The following BEST1 variants were observed in gnomAD, a reference collection of about 807,000 sequenced individuals.
The protein encoded by BEST1 is bestrophin 1.
Under a neutral mutation model 63.3 loss-of-function variants are expected in BEST1, and 58 were observed. That is an observed-to-expected ratio of 0.92 (90% CI 0.74 to 1.14). The LOEUF (loss-of-function observed/expected upper bound fraction) is 1.14, where lower values mean the gene tolerates loss of function less well. Ranked by LOEUF, BEST1 falls within the 50% of genes most tolerant of loss-of-function variation. The pLI is 0.00. For missense variants in BEST1, 671 were observed against 740.1 expected (o/e 0.91, Z 1.08); for synonymous variants, 283 against 291.6 (o/e 0.97, Z 0.30).
chr11:61,955,591 G>A, intron 3 of BEST1, 127 bp from the exon 4 acceptor site: 1 of 1,171,356 alleles, frequency 8.5e-7, no homozygotes, highest in East Asian at 2.6e-5. Flanking sequence ...GCGCCTTCCA[G>A]GAGGGCTGGG....
intron 2 of BEST1, 194 bp from the exon 3 acceptor site, chr11:61,954,913 T>G (rs1359316252): frequency 2.0e-6 from 2 of 985,228 alleles, no homozygotes; most frequent in East Asian, 1.1e-4. Flanking sequence ...GGGGGCCTCC[T>G]CCTGTCCGGG....
chr11:61,955,153 CTG>C lies in BEST1; in HGVS notation c.201_202del (p.Tyr68LeufsTer163), dbSNP rs771655122. ...EQQLMFEKLTLYCDSYIQLIP... is the reference protein window; with the variant it reads ...EQQLMFEKLTXYCDSYIQLIP... ...ACAGCTGATGTTTGAGAAACTGACT[CTG>C]TATTGCGACAGCTACATCCAGCTCA... On this transcript the variant is annotated frameshift_variant, in exon 3 of 11. Coordinates refer to ENST00000378043, the MANE Select transcript of BEST1 (RefSeq NM_004183.4). LOFTEE classifies it high-confidence loss of function. 3.1e-6 allele frequency: 5 copies of C among 1,614,184 alleles called. No individual in the cohort carries two copies. The highest frequency in any genetic ancestry group is 4.5e-5 in the East Asian group (2 of 44,876).
intron 2 of BEST1, 182 bp from the exon 3 acceptor site, chr11:61,954,925 T>G: frequency 1.0e-6 from 1 of 985,320 alleles, no homozygotes. Flanking sequence ...CTGTCCGGGT[T>G]TGGGGCTGTA....
At chr11:61,954,729 C>T (rs951789347) in intron 2 of BEST1, 4 of 897,154 alleles carry the variant, frequency 4.5e-6, no homozygotes, top group South Asian at 5.1e-5. Context: ...GGATTACAGG[C>T]GTGAACCACC....
chr11:61,963,010 C>T, intron 10 of BEST1, 117 bp downstream of exon 10: 1 of 1,592,076 alleles, frequency 6.3e-7, no homozygotes, highest in Non-Finnish European at 8.6e-7. Flanking sequence ...TGCCAGAGCA[C>T]ACTGGACCTA....
intron 2 of BEST1, 108 bp from the exon 3 acceptor site, chr11:61,954,999 T>G: frequency 6.5e-7 from 1 of 1,545,988 alleles, no homozygotes. Flanking sequence ...AAATGTGGGA[T>G]AGCATCGAGG....
At position 61,962,659 on chromosome 11, in the gene BEST1, T is replaced by TA. The variant is rs1181865490; in HGVS notation, c.1508dup (p.Thr504AspfsTer11). 6.2e-7 allele frequency: 1 copy of TA among 1,614,158 alleles called. No individual in the cohort carries two copies. Among genetic ancestry groups the TA allele is most frequent in the Non-Finnish European group, 8.5e-7 (1 of 1,180,034 alleles). On this transcript the variant is annotated frameshift_variant, in exon 10 of 11. Transcript: ENST00000378043. LOFTEE classifies it high-confidence loss of function. ...GGCATAGACACCAAAGACAAAAGCTTAAAGACTGTGAGTTCTGGGGCCAAG... is the reference window on the plus strand; with the variant it reads ...GGCATAGACACCAAAGACAAAAGCTTAAAAGACTGTGAGTTCTGGGGCCAAG...
downstream of BEST1, chr11:61,965,291 A>T: frequency 6.2e-7 from 1 of 1,601,218 alleles, no homozygotes; most frequent in African/African-American, 1.3e-5. Flanking sequence ...TATAAGGGCA[A>T]TTGCTAGTTT....
At chr11:61,952,033 G>A (rs146271374) in intron 2 of BEST1, 75 bp downstream of exon 2, 47 of 1,541,844 alleles carry the variant, frequency 3.0e-5, no homozygotes, top group Non-Finnish European at 4.1e-5. Context: ...GGGCCTCCCA[G>A]CCAGCTCAGG....
At chr11:61,965,422 G>A (rs886048432), downstream of BEST1, 4 of 1,613,528 alleles carry the variant, frequency 2.5e-6, no homozygotes, top group Non-Finnish European at 3.4e-6. Context: ...AGCTTCATCA[G>A]TTTCTCAGCA....
chr11:61,963,083 G>A lies in BEST1; in HGVS notation c.1739+190G>A, dbSNP rs371205126. 258 of 1,474,736 alleles carry A rather than the reference G, an allele frequency of 1.7e-4. 1 individual carries two copies. In the East Asian group the frequency reaches 2.5e-3, roughly 15 times the overall value. 91.4% of individuals were successfully genotyped at this position (1,474,736 alleles called of 1,614,324 possible). A position where few individuals can be genotyped will look rare whatever the true frequency, so the allele number is the denominator to read the frequency against. ...TCACAGGGATCCTAGGGAAGTGTTC[G>A]GGACCTTTTCTCACTTCACCCTGGT... On this transcript the variant is annotated intron_variant, in intron 10 of 10. Coordinates refer to ENST00000378043, the MANE Select transcript of BEST1 (RefSeq NM_004183.4).
At position 61,956,399 on chromosome 11, in the gene BEST1, C is replaced by G. The variant is rs537599747; in HGVS notation, c.482-445C>G. 3.3e-5 allele frequency among the ~76,000 whole-genome samples: 5 copies of G among 152,274 alleles called. No individual in the cohort carries two copies. In the South Asian group the frequency reaches 1.0e-3, roughly 32 times the overall value. The stretch of plus-strand genomic sequence containing the variant: ...AGGCGTGGTGGCTGTCGCCTGTAAT[C>G]CCAGTGCTTTAGGAGGCAAAGGTGG... On this transcript the variant is annotated intron_variant, in intron 4 of 10. Transcript: ENST00000378043.
chr11:61,958,383 C>T (rs1470329974), intron 7 of BEST1, 85 bp downstream of exon 7: 2 of 1,605,132 alleles, frequency 1.2e-6, no homozygotes, highest in Admixed American at 1.7e-5. Context: ...GATGCAGTGT[C>T]AGGAAAGGAA....
rs1290876075 is a variant in BEST1, at chr11:61,951,916, T to C, written c.110T>C (p.Leu37Ser). ...SIYKLLYGEF[L>S]IFLLCYYIIR... ...TACAAGCTGCTATATGGCGAGTTCT[T>C]AATCTTCCTGCTCTGCTACTACATC... The change falls in exon 2 of 11, where the codon TTA (leucine) becomes TCA (serine). Residue 37 changes from leucine to serine, a missense_variant. Leu to Ser is a moderately radical substitution (Grantham distance 145). Coordinates refer to ENST00000378043, the MANE Select transcript of BEST1 (RefSeq NM_004183.4). 6.2e-7 allele frequency: 1 copy of C among 1,613,728 alleles called. No individual in the cohort carries two copies. The highest frequency in any genetic ancestry group is 1.3e-5 in the African/African-American group (1 of 75,030).
Position 61,953,886 on chromosome 11 carries a change from A to AAAACAAACAAACAAAC in BEST1, c.153-1205_153-1190dup, listed in dbSNP as rs112657532. ...GGGTAACAGAGCAAGACCCTATCTC[A>AAAACAAACAAACAAAC]AAACAAACAAACAAACAAACAAACA... On this transcript the variant is annotated intron_variant, in intron 2 of 10. Transcript: ENST00000378043. Among the ~76,000 whole-genome samples the AAAACAAACAAACAAAC allele has an allele frequency of 3.1e-3, 461 of 150,730 alleles. 3 individuals are homozygous for AAAACAAACAAACAAAC. The highest frequency in any genetic ancestry group is 0.011 in the African/African-American group (453 of 40,874).
chr11:61,952,459 C>CT lies in BEST1; in HGVS notation c.152+525dup, dbSNP rs34404535. On this transcript the variant is annotated intron_variant, in intron 2 of 10. Transcript: ENST00000378043. ...ACTGCACTTGACCAACCACATGGTA[C>CT]TTTTTTTTTTTTTTTTTTTTTTTTG... 4.5e-3 allele frequency among the ~76,000 whole-genome samples: 349 copies of CT among 78,128 alleles called. 4 individuals are homozygous for CT. Among genetic ancestry groups the CT allele is most frequent in the African/African-American group, 0.013 (249 of 18,462 alleles). 51.3% of individuals were successfully genotyped at this position (78,128 alleles called of 152,430 possible). A position where few individuals can be genotyped will look rare whatever the true frequency, so the allele number is the denominator to read the frequency against.
chr11:61,956,962 A>C lies in BEST1; in HGVS notation c.600A>C (p.Arg200=), dbSNP rs1941435777. ...NLSMKAWLGG[R]IRDPILLQSL... is the part of the protein sequence containing the mutation. The stretch of plus-strand genomic sequence containing the variant: ...CAATGAAGGCGTGGCTTGGAGGTCG[A>C]ATCCGGGACCCTATCCTGCTCCAGA... The change falls in exon 5 of 11, where the codon CGA becomes CGC. Residue 200 remains arginine, a synonymous_variant. Transcript: ENST00000378043. 6.2e-7 allele frequency: 1 copy of C among 1,613,998 alleles called. No homozygotes were observed. The highest frequency in any genetic ancestry group is 8.5e-7 in the Non-Finnish European group (1 of 1,180,018).
intron 7 of BEST1, chr11:61,959,137 G>A: frequency 2.9e-6 from 1 of 349,414 alleles, no homozygotes; most frequent in Non-Finnish European, 5.6e-6. Flanking sequence ...CACCTAGACT[G>A]CCCTTTAGTT....
At chr11:61,955,322 C>T in intron 3 of BEST1, 121 bp downstream of exon 3, 1 of 1,554,380 alleles carries the variant, frequency 6.4e-7, no homozygotes, top group Non-Finnish European at 8.7e-7. Flanking sequence ...ACGCCAGCGG[C>T]AGGTCGGCGC....
Sources: allele counts gnomAD v4.1 joint callset (sites outside exome capture counted in the v4.1 genomes callset), GRCh38; gene constraint gnomAD v4.1.1; transcripts MANE v1.5; gene names NCBI Gene and HGNC (gene_info 2026-07-23, HGNC 2026-07-21).